THADA: variants seen among roughly 807,000 people sequenced by gnomAD.
THADA encodes the protein THADA armadillo repeat containing, also known as tRNA (32-2'-O)-methyltransferase regulator THADA.
Under a neutral mutation model 219.8 loss-of-function variants are expected in THADA, and 213 were observed. That is an observed-to-expected ratio of 0.97 (90% confidence interval 0.87 to 1.09). THADA has a LOEUF of 1.09. THADA is among the 50% of genes least tolerant of loss of function. THADA has a pLI of 0.00. For missense variants in THADA, 2,956 were observed against 2,311.3 expected, an observed-to-expected ratio of 1.28 and a Z score of -5.72; for synonymous variants, 1,018 against 828.9, an observed-to-expected ratio of 1.23 and a Z score of -3.92.
intron 30 of THADA, among the ~76,000 whole-genome samples, chr2:43,329,396 A>C (rs2104491342): frequency 6.6e-6 from 1 of 152,298 alleles, no homozygotes; most frequent in Non-Finnish European, 1.5e-5. Context: ...GAGCTATGTA[A>C]ATCACAAGGG....
chr2:43,368,158 C>T (rs1313469662), intron 29 of THADA, among the ~76,000 whole-genome samples: 2 of 151,992 alleles, frequency 1.3e-5, no homozygotes, highest in African/African-American at 4.8e-5. Context: ...AACAAAAACA[C>T]CTTTCTCCAT....
intron 28 of THADA, among the ~76,000 whole-genome samples, chr2:43,425,442 TTGTATGTGTGTGTGTG>T (rs1678292350): frequency 8.9e-6 from 1 of 112,774 alleles, no homozygotes; most frequent in African/African-American, 3.7e-5. Flanking sequence ...CTTGTTAAAA[TTGTATGTGTGTGTGTG>T]TGTGTGTGTG....
chr2:43,573,854 C>T (rs1699555564), intron 11 of THADA, among the ~76,000 whole-genome samples: 1 of 151,906 alleles, frequency 6.6e-6, no homozygotes, highest in African/African-American at 2.4e-5. Flanking sequence ...GGATGTTTAC[C>T]CCTATTCTAA....
rs112903480 is a variant in THADA at position 43,549,063 on chromosome 2, T to C, written c.3106+147A>G. 3.9e-4 allele frequency: 299 copies of C among 766,616 alleles called. 2 individuals carry two copies. The African/African-American group carries it at 4.6e-3, about 12-fold the overall frequency. 47.5% of individuals were successfully genotyped at this position (766,616 alleles called of 1,614,324 possible). ...AAATCCATTCCTAAACCCAAATCTT[T>C]CCCAAAACAAAATTTTTAAAAAACT... On this transcript the variant is annotated intron_variant, in intron 20 of 37. Transcript: ENST00000405975.
chr2:43,336,761 C>T (rs1013117216), intron 30 of THADA, among the ~76,000 whole-genome samples: 9 of 152,174 alleles, frequency 5.9e-5, no homozygotes, highest in Non-Finnish European at 1.2e-4. Context: ...AAAACGCAGC[C>T]ATGAACATTA....
At chr2:43,593,395 C>G (rs1559042541) in intron 1 of THADA, among the ~76,000 whole-genome samples, 2 of 152,116 alleles carry the variant, frequency 1.3e-5, no homozygotes, top group East Asian at 1.9e-4. Context: ...TGATTTTATT[C>G]AAACAGGCCA....
chr2:43,573,705 C>T (rs1277657011), intron 11 of THADA, among the ~76,000 whole-genome samples: 1 of 152,072 alleles, frequency 6.6e-6, no homozygotes, highest in African/African-American at 2.4e-5. Context: ...TAAAATTATG[C>T]TGTACGATAC....
chr2:43,552,157 G>T, intron 18 of THADA, 47 bp downstream of exon 18: 1 of 1,578,498 alleles, frequency 6.3e-7, no homozygotes, highest in Non-Finnish European at 8.6e-7. Flanking sequence ...TTAAAGCTCA[G>T]AAATGAATGG....
At chr2:43,451,968 G>A (rs1291430894) in intron 26 of THADA, among the ~76,000 whole-genome samples, 6 of 152,026 alleles carry the variant, frequency 3.9e-5, no homozygotes, top group African/African-American at 9.7e-5. Context: ...TTAGCCGGGC[G>A]TGATGGCGCA....
At chr2:43,538,305 C>T (rs2103796642) in intron 21 of THADA, 1 of 152,340 alleles carries the variant, frequency 6.6e-6, no homozygotes, top group Middle Eastern at 3.4e-3. Context: ...GTGTGTACTG[C>T]TTACTCTTGA....
At chr2:43,566,643 A>C in intron 15 of THADA, 55 bp downstream of exon 15, 1 of 1,572,586 alleles carries the variant, frequency 6.4e-7, no homozygotes, top group Non-Finnish European at 8.7e-7. Context: ...ATGTAGAATA[A>C]GTATGTTTTG....
At chr2:43,570,354 A>G in intron 14 of THADA, 34 bp downstream of exon 14, 1 of 1,562,930 alleles carries the variant, frequency 6.4e-7, no homozygotes, top group Non-Finnish European at 8.6e-7. Flanking sequence ...TTAATTTAAA[A>G]AAAAACTCTC....
chr2:43,467,054 C>A (rs1006401361), intron 26 of THADA, among the ~76,000 whole-genome samples: 1 of 151,210 alleles, frequency 6.6e-6, no homozygotes, highest in Non-Finnish European at 1.5e-5. Flanking sequence ...TGGTAGCGGG[C>A]GCCTGTAGTC....
chr2:43,489,808 GT>G (rs1191314607), intron 25 of THADA, among the ~76,000 whole-genome samples: 2 of 125,542 alleles, frequency 1.6e-5, no homozygotes, highest in African/African-American at 3.0e-5. Context: ...CTCCAACTTT[GT>G]TCTTTTTCAA....
At chr2:43,466,516 G>A (rs1684256036) in intron 26 of THADA, among the ~76,000 whole-genome samples, 1 of 152,088 alleles carries the variant, frequency 6.6e-6, no homozygotes, top group Admixed American at 6.5e-5. Context: ...ACAGTTTGGG[G>A]TATGTCTACT....
At chr2:43,428,371 G>C in intron 27 of THADA, 140 bp from the exon 28 acceptor site, 1 of 758,770 alleles carries the variant, frequency 1.3e-6, no homozygotes, top group Non-Finnish European at 2.0e-6. Context: ...ACTTTGGGAG[G>C]CCGAGGCGGA....
chr2:43,469,346 G>C (rs1176128833), intron 26 of THADA, among the ~76,000 whole-genome samples: 1 of 152,136 alleles, frequency 6.6e-6, no homozygotes, highest in Non-Finnish European at 1.5e-5. Context: ...CAGCAGATAA[G>C]GTGAAAAGGG....
intron 15 of THADA, 78 bp from the exon 16 acceptor site, chr2:43,560,463 T>G: frequency 9.0e-7 from 1 of 1,116,978 alleles, no homozygotes; most frequent in Admixed American, 3.5e-5. Context: ...TGACCAAATT[T>G]ATAGAAAATA....
At chr2:43,484,660 G>C (rs1196470549) in intron 26 of THADA, among the ~76,000 whole-genome samples, 1 of 151,834 alleles carries the variant, frequency 6.6e-6, no homozygotes, top group African/African-American at 2.4e-5. Flanking sequence ...TTCTTTTCAG[G>C]CATAACAAAA....
Sources: allele counts gnomAD v4.1 joint callset (sites outside exome capture counted in the v4.1 genomes callset), GRCh38; gene constraint gnomAD v4.1.1; transcripts MANE v1.5; gene names NCBI Gene and HGNC (gene_info 2026-07-23, HGNC 2026-07-21).